The following AP1S1 variants were observed in gnomAD, a reference collection of about 807,000 sequenced individuals.
AP1S1 encodes the protein adaptor related protein complex 1 subunit sigma 1.
Under a neutral mutation model 23.9 loss-of-function variants are expected in AP1S1, and 13 were observed. The ratio of observed to expected loss-of-function variants is 0.54; its 90% confidence interval spans 0.35 to 0.86. AP1S1 has a LOEUF of 0.86. AP1S1 is among the 40% of genes least tolerant of loss of function. AP1S1 has a pLI of 0.01. For missense variants in AP1S1, 119 were observed against 197.6 expected (o/e 0.60, Z 2.38); for synonymous variants, 84 against 77.7 (o/e 1.08, Z -0.43).
At chr7:101,154,888 T>G in intron 1 of AP1S1, 2 of 962,570 alleles carry the variant, frequency 2.1e-6, no homozygotes, top group Admixed American at 5.0e-5. Flanking sequence ...GGGTCACCAG[T>G]CACCGAGACC....
chr7:101,160,107 A>G (rs1323313793), intron 4 of AP1S1, among the ~76,000 whole-genome samples: 1 of 151,004 alleles, frequency 6.6e-6, no homozygotes, highest in Admixed American at 6.6e-5. Context: ...GGGACCTGGC[A>G]CTCACCTCCC....
chr7:101,160,458 T>G, intron 4 of AP1S1, 61 bp from the exon 5 acceptor site: 2 of 1,587,426 alleles, frequency 1.3e-6, no homozygotes, highest in South Asian at 2.2e-5. Context: ...ACTGCTGTCT[T>G]GCCCACCCTG....
At position 101,161,041 on chromosome 7, in the gene AP1S1, AG is replaced by A. The variant is rs1797097868; in HGVS notation, c.*476del. The A allele has an allele frequency of 2.9e-6, 1 of 349,998 alleles. No individual in the cohort carries two copies. The allele number at this position is 349,998 out of a possible 1,614,324, so 21.7% of individuals were successfully genotyped here. On this transcript the variant is annotated 3_prime_UTR_variant, in exon 5 of 5. Coordinates refer to ENST00000337619, the MANE Select transcript of AP1S1 (RefSeq NM_001283.5). ...GACCCCCCTCTTTCTCCTTGGCTGC[AG>A]TGGGGCCTTTATCCAGTGCCAGGGA...
At chr7:101,159,607 CT>C (rs896709387) in intron 4 of AP1S1, 59 of 163,188 alleles carry the variant, frequency 3.6e-4, no homozygotes, top group African/African-American at 8.4e-4. Context: ...CCCCACCTCT[CT>C]TTTTTTTTTC....
intron 3 of AP1S1, 112 bp from the exon 4 acceptor site, chr7:101,158,947 G>A: frequency 1.4e-6 from 2 of 1,387,540 alleles, no homozygotes; most frequent in Non-Finnish European, 2.0e-6. Context: ...GCTGACCAAT[G>A]ACTAAGGCTT....
chr7:101,159,402 C>G (rs1481908368), intron 4 of AP1S1: 2 of 628,480 alleles, frequency 3.2e-6, no homozygotes, highest in Non-Finnish European at 5.3e-6. Flanking sequence ...GATAGCCCAC[C>G]TGTGCACCCC....
intron 1 of AP1S1, chr7:101,154,907 G>T: frequency 2.8e-6 from 3 of 1,082,622 alleles, no homozygotes; most frequent in Non-Finnish European, 3.4e-6. Context: ...CCCCCTTCCC[G>T]GGCTGCACAG....
At chr7:101,159,935 C>T (rs1797061491) in intron 4 of AP1S1, among the ~76,000 whole-genome samples, 1 of 151,546 alleles carries the variant, frequency 6.6e-6, no homozygotes, top group Non-Finnish European at 1.5e-5. Flanking sequence ...CTTGCCACCT[C>T]ACTGGTCGAG....
rs761097752 is a variant in AP1S1 at position 101,160,530 on chromosome 7, G to A, written c.441G>A (p.Ser147=). The A allele has an allele frequency of 9.9e-6, 16 of 1,611,802 alleles. No individual in the cohort carries two copies. Among genetic ancestry groups the A allele is most frequent in the African/African-American group, 2.7e-5 (2 of 74,906 alleles). The change falls in exon 5 of 5, where the codon TCG becomes TCA. Residue 147 remains serine, a synonymous_variant. Coordinates refer to ENST00000337619, the MANE Select transcript of AP1S1 (RefSeq NM_001283.5). ...TGTCTCTGCCTTAGGAGGATGAGTC[G>A]CCACGGAGTGTGCTGGAGGAGATGG... ...QADLLQEEDE[S]PRSVLEEMGL...
chr7:101,156,792 C>G lies in AP1S1; in HGVS notation c.182+20C>G, dbSNP rs1443408576. On this transcript the variant is annotated intron_variant, in intron 2 of 4. Transcript: ENST00000337619. ...TAAGAGGTGACTCCCCACCTACTTT[C>G]AGACCTGCCTAGATTCAAGTTGGGC... 6.6e-7 allele frequency: 1 copy of G among 1,511,688 alleles called. No individual in the cohort carries two copies. Among genetic ancestry groups the G allele is most frequent in the Non-Finnish European group, 8.9e-7 (1 of 1,122,410 alleles). The allele number at this position is 1,511,688 out of a possible 1,614,324, so 93.6% of individuals were successfully genotyped here. A position where few individuals can be genotyped will look rare whatever the true frequency, so the allele number is the denominator to read the frequency against.
intron 4 of AP1S1, 72 bp downstream of exon 4, chr7:101,159,268 C>T: frequency 6.5e-7 from 1 of 1,535,734 alleles, no homozygotes; most frequent in Admixed American, 2.1e-5. Flanking sequence ...CCCCTGGACA[C>T]CCGGCCTGCC....
chr7:101,157,273 C>A, intron 2 of AP1S1, 104 bp from the exon 3 acceptor site: 1 of 906,008 alleles, frequency 1.1e-6, no homozygotes, highest in South Asian at 1.6e-5. Context: ...CACCTGTGGC[C>A]AGCCAGGGCA....
At chr7:101,155,002 C>T in intron 1 of AP1S1, 3 of 994,496 alleles carry the variant, frequency 3.0e-6, no homozygotes, top group Non-Finnish European at 3.6e-6. Flanking sequence ...GCGTTCGTGG[C>T]CGTGCTTGCC....
At chr7:101,154,999 T>C in intron 1 of AP1S1, 1 of 994,792 alleles carries the variant, frequency 1.0e-6, no homozygotes, top group Non-Finnish European at 1.2e-6. Flanking sequence ...ACTGCGTTCG[T>C]GGCCGTGCTT....
chr7:101,159,252 C>T, intron 4 of AP1S1, 56 bp downstream of exon 4: 4 of 1,556,302 alleles, frequency 2.6e-6, no homozygotes, highest in Non-Finnish European at 3.5e-6. Context: ...GGACAGGGTC[C>T]TCCCTCCCCT....
intron 4 of AP1S1, among the ~76,000 whole-genome samples, chr7:101,159,796 G>C (rs902237477): frequency 1.3e-5 from 2 of 151,808 alleles, no homozygotes. Context: ...ACCGAGCCCT[G>C]GTGCAGGGAG....
chr7:101,160,502 G>C lies in AP1S1; in HGVS notation c.430-17G>C. 6.2e-7 allele frequency: 1 copy of C among 1,610,446 alleles called. No individual in the cohort carries two copies. Among genetic ancestry groups the C allele is most frequent in the Non-Finnish European group, 8.5e-7 (1 of 1,179,812 alleles). On this transcript the variant is annotated splice_polypyrimidine_tract_variant and intron_variant, in intron 4 of 4. Transcript: ENST00000337619. ...TCCTGGTGTCTCTGCGTCACCCTCTGTCTGTCTCTGCCTTAGGAGGATGAG... is the reference window on the plus strand; with the variant it reads ...TCCTGGTGTCTCTGCGTCACCCTCTCTCTGTCTCTGCCTTAGGAGGATGAG...
chr7:101,155,992 G>T (rs1277848829), intron 1 of AP1S1, among the ~76,000 whole-genome samples: 1 of 152,172 alleles, frequency 6.6e-6, no homozygotes, highest in East Asian at 1.9e-4. Context: ...CACTTTGGGA[G>T]GCCTAGGTGG....
chr7:101,160,406 C>A, intron 4 of AP1S1, 113 bp from the exon 5 acceptor site: 1 of 1,299,280 alleles, frequency 7.7e-7, no homozygotes, highest in Non-Finnish European at 1.1e-6. Flanking sequence ...TTCTCTCCCC[C>A]TCCCCCGTGT....
Sources: allele counts gnomAD v4.1 joint callset (sites outside exome capture counted in the v4.1 genomes callset), GRCh38; gene constraint gnomAD v4.1.1; transcripts MANE v1.5; gene names NCBI Gene and HGNC (gene_info 2026-07-23, HGNC 2026-07-21).